The following RAF1 variants were observed in gnomAD, a reference collection of about 807,000 sequenced individuals.
The protein encoded by RAF1 is RAF proto-oncogene serine/threonine-protein kinase.
RAF1 carries 27 observed loss-of-function variants against 81.1 expected under a neutral mutation model. That is an observed-to-expected ratio of 0.33 (90% CI 0.25 to 0.46). The LOEUF is 0.46. Ranked by LOEUF, RAF1 falls within the 20% of genes least tolerant of loss-of-function variation. The pLI, the probability that RAF1 is intolerant of heterozygous loss-of-function variation, is 1.00. For missense variants in RAF1, 598 were observed against 826.0 expected (o/e 0.72, Z 3.38); for synonymous variants, 298 against 294.0 (o/e 1.01, Z -0.14).
chr3:12,635,276 GC>G (rs2059982218), intron 1 of RAF1, among the ~76,000 whole-genome samples: 1 of 132,382 alleles, frequency 7.6e-6, no homozygotes, highest in African/African-American at 2.8e-5. Context: ...CCGGGATCTT[GC>G]CACTGTACTC....
At chr3:12,619,566 C>CAA in intron 1 of RAF1, among the ~76,000 whole-genome samples, 1 of 140,692 alleles carries the variant, frequency 7.1e-6, no homozygotes, top group South Asian at 2.3e-4. Context: ...ACTCCATCTC[C>CAA]CAAAAAAAAA....
intron 6 of RAF1, among the ~76,000 whole-genome samples, chr3:12,605,514 G>C (rs2058998625): frequency 1.3e-5 from 2 of 152,188 alleles, no homozygotes; most frequent in African/African-American, 4.8e-5. Flanking sequence ...CTGACCTCAA[G>C]TGGTCCATCT....
chr3:12,620,786 G>A (rs2059533764), intron 1 of RAF1, among the ~76,000 whole-genome samples: 1 of 151,960 alleles, frequency 6.6e-6, no homozygotes, highest in South Asian at 2.1e-4. Flanking sequence ...TTCTTTTTTG[G>A]ACACAGAAGT....
At chr3:12,611,337 C>T (rs1165069534) in intron 3 of RAF1, among the ~76,000 whole-genome samples, 1 of 152,014 alleles carries the variant, frequency 6.6e-6, no homozygotes, top group Non-Finnish European at 1.5e-5. Flanking sequence ...CTCACGTCAG[C>T]CTTTCGAACA....
chr3:12,592,113 G>A (rs1341912392), intron 11 of RAF1: 5 of 391,790 alleles, frequency 1.3e-5, no homozygotes, highest in South Asian at 4.3e-5. Flanking sequence ...AACTGCTATC[G>A]CTACAGTTAG....
rs1035812057 is a variant in RAF1, at chr3:12,646,393, G to A, written c.-27+17420C>T. ...CCGGTTTCTTTTAAGTCTTTTTTTT[G>A]AGGTGGAGTCTTCCTCTGTCACCCA... On this transcript the variant is annotated intron_variant, in intron 1 of 17. Transcript: ENST00000442415. Among the ~76,000 whole-genome samples, 4 of 151,652 alleles carry A rather than the reference G, an allele frequency of 2.6e-5. No individual in the cohort carries two copies. The South Asian group carries it at 8.3e-4, about 32-fold the overall frequency.
chr3:12,655,129 G>C (rs2060649681), intron 1 of RAF1, among the ~76,000 whole-genome samples: 2 of 152,028 alleles, frequency 1.3e-5, no homozygotes, highest in South Asian at 4.1e-4. Flanking sequence ...TCTCACTCTT[G>C]TGGAGTGCAA....
rs974168983 is a variant in RAF1 at position 12,593,443 on chromosome 3, T to C, written c.1169-1651A>G. On this transcript the variant is annotated intron_variant, in intron 11 of 17. Coordinates refer to ENST00000442415, the MANE Select transcript of RAF1 (RefSeq NM_001354689.3). ...GATGGTCCTCACGATAGGCCCAAACTGTCTCCCTGTGATCTCTGGTTTTAT... is the reference window on the plus strand; with the variant it reads ...GATGGTCCTCACGATAGGCCCAAACCGTCTCCCTGTGATCTCTGGTTTTAT... Among the ~76,000 whole-genome samples, 6 of 136,412 alleles carry C rather than the reference T, an allele frequency of 4.4e-5. No individual in the cohort carries two copies. In the Admixed American group the frequency reaches 4.7e-4, roughly 11 times the overall value. 89.5% of individuals were successfully genotyped at this position (136,412 alleles called of 152,430 possible). A position where few individuals can be genotyped will look rare whatever the true frequency, so the allele number is the denominator to read the frequency against.
At position 12,600,218 on chromosome 3, in the gene RAF1, C is replaced by T. The variant is rs551674056; in HGVS notation, c.984G>A (p.Pro328=). 1.5e-5 allele frequency: 25 copies of T among 1,614,122 alleles called. No homozygotes were observed. The highest frequency in any genetic ancestry group is 8.9e-5 in the East Asian group (4 of 44,874). Residue 328 remains proline (P), a synonymous_variant, in exon 10 of 18, where the codon CCG becomes CCA. Coordinates refer to ENST00000442415, the MANE Select transcript of RAF1 (RefSeq NM_001354689.3). The stretch of plus-strand genomic sequence containing the variant: ...CTCTTTGTGCTGGCACGGGGGTTTT[C>T]GGCTGTGACCAGCCTGTTGGGCTCA...
intron 2 of RAF1, among the ~76,000 whole-genome samples, chr3:12,617,377 A>C (rs1442203325): frequency 6.6e-6 from 1 of 152,090 alleles, no homozygotes; most frequent in Admixed American, 6.5e-5. Context: ...AGCCTCCCAA[A>C]GTGCTAGGAT....
chr3:12,650,173 A>AT (rs1160022190), intron 1 of RAF1, among the ~76,000 whole-genome samples: 10 of 150,006 alleles, frequency 6.7e-5, no homozygotes, highest in Admixed American at 3.4e-4. Context: ...AAAAAAAAAA[A>AT]ATTTAATCAG....
intron 9 of RAF1, 48 bp from the exon 9 acceptor site, chr3:12,600,327 A>C: frequency 6.2e-7 from 1 of 1,614,208 alleles, no homozygotes. Flanking sequence ...AGCCAACAGA[A>C]GATACACCGC....
At chr3:12,585,859 T>C (rs1038952411) in intron 14 of RAF1, 60 bp from the exon 14 acceptor site, 1 of 1,185,782 alleles carries the variant, frequency 8.4e-7, no homozygotes, top group African/African-American at 1.5e-5. Context: ...TTGAAAAATA[T>C]CCCAAAGTTC....
chr3:12,603,305 T>G (rs1292733898), intron 8 of RAF1, among the ~76,000 whole-genome samples: 1 of 151,932 alleles, frequency 6.6e-6, no homozygotes, highest in Non-Finnish European at 1.5e-5. Flanking sequence ...TTCTATATAC[T>G]CTACTGCCAA....
In RAF1 at chr3:12,584,265, G is replaced by A. The variant is rs2058243153; in HGVS notation, c.*249C>T. 3.7e-6 allele frequency: 2 copies of A among 545,638 alleles called. No individual in the cohort carries two copies. Among genetic ancestry groups the A allele is most frequent in the Non-Finnish European group, 3.3e-6 (1 of 302,738 alleles). The allele number at this position is 545,638 out of a possible 1,614,324, so 33.8% of individuals were successfully genotyped here. ...CCACTTGCGCATCTACAGAAGGCTGGGCCTTGAGCATGGGGAATGTGGGGA... is the reference window on the plus strand; with the variant it reads ...CCACTTGCGCATCTACAGAAGGCTGAGCCTTGAGCATGGGGAATGTGGGGA... On this transcript the variant is annotated 3_prime_UTR_variant, in exon 18 of 18. Transcript: ENST00000442415.
chr3:12,657,259 A>AAAGT (rs761788878), intron 1 of RAF1, among the ~76,000 whole-genome samples: 14 of 152,188 alleles, frequency 9.2e-5, no homozygotes, highest in Non-Finnish European at 1.5e-4. Flanking sequence ...TTTGAGCAAG[A>AAAGT]AAGTAAGGCC....
intron 1 of RAF1, among the ~76,000 whole-genome samples, chr3:12,633,633 TAAAA>T (rs34440484): frequency 2.0e-5 from 3 of 146,542 alleles, no homozygotes. Context: ...CTTTTACAGT[TAAAA>T]AAAAAAAAAA....
At chr3:12,595,839 C>T (rs1488118589) in intron 11 of RAF1, among the ~76,000 whole-genome samples, 1 of 151,778 alleles carries the variant, frequency 6.6e-6, no homozygotes, top group African/African-American at 2.4e-5. Context: ...TCTACTTTTC[C>T]TGTTTACTGT....
intron 2 of RAF1, among the ~76,000 whole-genome samples, chr3:12,613,283 G>T (rs2059271774): frequency 6.6e-6 from 1 of 152,108 alleles, no homozygotes; most frequent in East Asian, 1.9e-4. Context: ...CAAAAGTAAG[G>T]TAACTAGAGT....
Sources: gnomAD v4.1 joint callset for allele counts (sites outside exome capture counted in the v4.1 genomes callset) on GRCh38, gnomAD v4.1.1 for gene constraint, MANE v1.5 for transcripts, NCBI Gene and HGNC (gene_info 2026-07-23, HGNC 2026-07-21) for gene names.